The following DHRS2 variants were observed in gnomAD, a reference collection of about 807,000 sequenced individuals.
The protein encoded by DHRS2 is dehydrogenase/reductase 2.
A neutral mutation model predicts 26.3 loss-of-function variants in DHRS2; 29 were observed. The observed-to-expected ratio is 1.10, with a 90% CI of 0.82 to 1.50. DHRS2 has a LOEUF of 1.50. DHRS2 is among the 40% of genes most tolerant of loss of function. The pLI, the probability that DHRS2 is intolerant of heterozygous loss-of-function variation, is 0.00. For synonymous variants in DHRS2, 164 were observed against 151.3 expected (o/e 1.08, Z -0.62); for missense variants, 439 against 367.1 (o/e 1.20, Z -1.60).
At chr14:23,636,144 T>G (rs1027648398), upstream of DHRS2, among the ~76,000 whole-genome samples, 9 of 152,206 alleles carry the variant, frequency 5.9e-5, no homozygotes, top group South Asian at 2.1e-4. Context: ...TGTGTCTAGC[T>G]AAAGGATTGT....
chr14:23,643,225 G>A lies in DHRS2; in HGVS notation c.488+6G>A. On this transcript the variant is annotated splice_donor_region_variant and intron_variant, in intron 5 of 8. Coordinates refer to ENST00000250383, the MANE Select transcript of DHRS2 (RefSeq NM_005794.4). Reference sequence around the variant, plus strand: ...CTGCCCTACATGGAGAACAGGTATGGCAGGGCGGGGGTGGGGACCAGTCGG... The same window carrying A: ...CTGCCCTACATGGAGAACAGGTATGACAGGGCGGGGGTGGGGACCAGTCGG... 1 of 1,613,740 alleles carries A rather than the reference G, an allele frequency of 6.2e-7. No individual in the cohort carries two copies. Among genetic ancestry groups the A allele is most frequent in the South Asian group, 1.1e-5 (1 of 91,062 alleles).
Position 23,639,792 on chromosome 14 carries a change from A to G in DHRS2, c.319-2A>G, listed in dbSNP as rs779725693. On this transcript the variant is annotated splice_acceptor_variant, in intron 3 of 8. Coordinates refer to ENST00000250383, the MANE Select transcript of DHRS2 (RefSeq NM_005794.4). LOFTEE classifies it high-confidence loss of function. ...CACACTCATCCAATCTCCTCTCCGC[A>G]GGCCCTGGAGCACTGTGGGGGCGTC... 2.0e-5 allele frequency: 32 copies of G among 1,602,336 alleles called. No homozygotes were observed. Among genetic ancestry groups the G allele is most frequent in the Non-Finnish European group, 2.6e-5 (31 of 1,174,212 alleles).
chr14:23,644,386 C>A, intron 6 of DHRS2, 23 bp from the exon 7 acceptor site: 1 of 1,613,810 alleles, frequency 6.2e-7, no homozygotes, highest in Non-Finnish European at 8.5e-7. Context: ...ATATCCTAAT[C>A]ACTCTGTCAA....
At position 23,644,447 on chromosome 14, in the gene DHRS2, G is replaced by A; in HGVS notation, c.579G>A (p.Leu193=). Residue 193 remains leucine (L), a synonymous_variant, in exon 7 of 9, where the codon CTG becomes CTA. Coordinates refer to ENST00000250383, the MANE Select transcript of DHRS2 (RefSeq NM_005794.4). ...ACAATGTCAGCAAGACAGCGCTGCT[G>A]GGTCTCACTAGAACACTGGCATTGG... ...GVYNVSKTAL[L]GLTRTLALEL... is the part of the protein sequence containing the mutation. The A allele has an allele frequency of 6.2e-7, 1 of 1,614,172 alleles. No individual in the cohort carries two copies. The highest frequency in any genetic ancestry group is 8.5e-7 in the Non-Finnish European group (1 of 1,180,036).
In DHRS2 at chr14:23,645,520, T is replaced by C. The variant is rs1327357771; in HGVS notation, c.*267T>C. 23 of 571,740 alleles carry C rather than the reference T, an allele frequency of 4.0e-5. No homozygotes were observed. Among genetic ancestry groups the C allele is most frequent in the Non-Finnish European group, 5.6e-5 (19 of 336,452 alleles). 35.4% of individuals were successfully genotyped at this position (571,740 alleles called of 1,614,324 possible). ...GAAGGATTTTATGGAGCTGGTGCTT[T>C]GGAGGAATCTTAAGGGAAAGGAGTA... On this transcript the variant is annotated 3_prime_UTR_variant, in exon 9 of 9. Coordinates refer to ENST00000250383, the MANE Select transcript of DHRS2 (RefSeq NM_005794.4).
At chr14:23,638,029 A>C (rs1890423414) in intron 1 of DHRS2, 1 of 152,182 alleles carries the variant, frequency 6.6e-6, no homozygotes, top group Non-Finnish European at 1.5e-5. Context: ...ATCTTGATTC[A>C]CTGCTGCTCA....
chr14:23,639,405 C>T (rs767775957), intron 3 of DHRS2, 49 bp downstream of exon 3: 2 of 1,512,006 alleles, frequency 1.3e-6, no homozygotes, highest in Admixed American at 2.3e-5. Flanking sequence ...CATGCAGAAC[C>T]TTTCCTTCAC....
intron 3 of DHRS2, 125 bp downstream of exon 3, chr14:23,639,481 A>T: frequency 7.4e-7 from 1 of 1,348,396 alleles, no homozygotes; most frequent in South Asian, 1.6e-5. Flanking sequence ...AGGCTGCCCA[A>T]GCTAACCTCG....
At chr14:23,640,548 C>T (rs1890609156) in intron 4 of DHRS2, 3 of 550,852 alleles carry the variant, frequency 5.4e-6, no homozygotes, top group African/African-American at 4.1e-5. Flanking sequence ...GTTCCCTTCA[C>T]TCTCATGTTT....
chr14:23,641,746 G>A, intron 4 of DHRS2: 1 of 1,289,466 alleles, frequency 7.8e-7, no homozygotes, highest in Admixed American at 2.3e-5. Flanking sequence ...CTGGTAACCT[G>A]TCATCAAATG....
In DHRS2 at chr14:23,644,410, C is replaced by G; in HGVS notation, c.542C>G (p.Ala181Gly). The stretch of plus-strand genomic sequence containing the variant: ...TCACTCTGTCAATTCCCTTCCCAGG[C>G]GCTGGGTGTCTACAATGTCAGCAAG... Reference protein sequence around the residue: ...SSIAAYNPVVALGVYNVSKTA... With the variant: ...SSIAAYNPVVGLGVYNVSKTA... Residue 181 changes from alanine to glycine, a missense_variant and splice_region_variant, in exon 7 of 9, where the codon GCG (alanine) becomes GGG (glycine). Coordinates refer to ENST00000250383, the MANE Select transcript of DHRS2 (RefSeq NM_005794.4). The G allele has an allele frequency of 6.2e-7, 1 of 1,614,110 alleles. No homozygotes were observed. Among genetic ancestry groups the G allele is most frequent in the Non-Finnish European group, 8.5e-7 (1 of 1,180,020 alleles).
chr14:23,642,023 C>A, intron 4 of DHRS2: 1 of 1,110,622 alleles, frequency 9.0e-7, no homozygotes, highest in South Asian at 2.3e-5. Flanking sequence ...TCTTTCACTT[C>A]TCCCCCGTTC....
At chr14:23,636,883 C>T (rs1890326791) in intron 1 of DHRS2, 111 bp downstream of exon 1, 1 of 152,232 alleles carries the variant, frequency 6.6e-6, no homozygotes, top group South Asian at 2.1e-4. Context: ...AGCGCAGCCG[C>T]TGGACTAAAA....
chr14:23,642,078 A>G, intron 4 of DHRS2: 1 of 1,067,310 alleles, frequency 9.4e-7, no homozygotes, highest in Non-Finnish European at 1.1e-6. Flanking sequence ...GACATGTGTG[A>G]CTTAGCCCAG....
At chr14:23,633,941 G>A (rs536267159), upstream of DHRS2, among the ~76,000 whole-genome samples, 14 of 151,402 alleles carry the variant, frequency 9.2e-5, no homozygotes, top group African/African-American at 2.4e-4. Flanking sequence ...TAACACATAC[G>A]TAAAAAGTAT....
intron 4 of DHRS2, chr14:23,641,774 G>A (rs952396996): frequency 8.5e-6 from 11 of 1,287,986 alleles, no homozygotes; most frequent in Non-Finnish European, 1.0e-5. Context: ...GCAACATTCA[G>A]CTTAAGTATT....
At position 23,638,930 on chromosome 14, in the gene DHRS2, G is replaced by A. The variant is rs1890486475; in HGVS notation, c.66G>A (p.Arg22=). Residue 22 remains arginine, a synonymous_variant, in exon 2 of 9, where the codon AGG becomes AGA. Transcript: ENST00000250383. The stretch of plus-strand genomic sequence containing the variant: ...ATCCCTGTGCTAGGCTTTCTGTGAG[G>A]ATGAGCAGCACCGGGATAGACAGGA... ...WFHPCARLSV[R]MSSTGIDRKG... 4 of 1,614,196 alleles carry A rather than the reference G, an allele frequency of 2.5e-6. No individual in the cohort carries two copies. Among genetic ancestry groups the A allele is most frequent in the South Asian group, 2.2e-5 (2 of 91,078 alleles).
intron 4 of DHRS2, chr14:23,641,667 G>A (rs890632503): frequency 1.2e-5 from 16 of 1,289,670 alleles, no homozygotes; most frequent in Admixed American, 2.3e-5. Context: ...TCTTATTAGG[G>A]ACCTCAGGGT....
Position 23,639,856 on chromosome 14 carries a change from AGGGAGCACTCTG to A in DHRS2, c.386_397del (p.Ser129_Gly132del). ...GCAGCGCAGGGGTCAACCCTCTGGT[AGGGAGCACTCTG>A]GGGACCAGTGAGCAGATCTGGGACA... On this transcript the variant is annotated inframe_deletion, in exon 4 of 9. Coordinates refer to ENST00000250383, the MANE Select transcript of DHRS2 (RefSeq NM_005794.4). 6.2e-7 allele frequency: 1 copy of A among 1,609,928 alleles called. No homozygotes were observed. The highest frequency in any genetic ancestry group is 8.5e-7 in the Non-Finnish European group (1 of 1,177,908).
Sources: allele counts gnomAD v4.1 joint callset (sites outside exome capture counted in the v4.1 genomes callset), GRCh38; gene constraint gnomAD v4.1.1; transcripts MANE v1.5; gene names NCBI Gene and HGNC (gene_info 2026-07-23, HGNC 2026-07-21).